The following PRKG1 variants were observed in gnomAD, a reference collection of about 807,000 sequenced individuals.
The protein encoded by PRKG1 is protein kinase cGMP-dependent 1.
Under a neutral mutation model 88.1 loss-of-function variants are expected in PRKG1, and 35 were observed. That is an observed-to-expected ratio of 0.40 (90% CI 0.30 to 0.53). The LOEUF is 0.53. Among genes scored for constraint, PRKG1 ranks in the 20% least tolerant of loss-of-function variants. PRKG1 has a pLI of 0.59. For synonymous variants in PRKG1, 303 were observed against 292.5 expected (o/e 1.04, Z -0.37); for missense variants, 540 against 839.8 (o/e 0.64, Z 4.41).
intron 1 of PRKG1, among the ~76,000 whole-genome samples, chr10:51,030,099 A>T (rs528435929): frequency 6.6e-6 from 1 of 152,216 alleles, no homozygotes; most frequent in East Asian, 1.9e-4. Context: ...TACTTCTATG[A>T]TGCTTCCTTC....
intron 5 of PRKG1, among the ~76,000 whole-genome samples, chr10:51,952,280 G>A (rs1843203054): frequency 6.6e-6 from 1 of 152,146 alleles, no homozygotes; most frequent in Non-Finnish European, 1.5e-5. Context: ...AGGAGCAAAG[G>A]CCTGGACATT....
At chr10:51,143,902 A>G (rs949031699) in intron 1 of PRKG1, among the ~76,000 whole-genome samples, 3 of 151,772 alleles carry the variant, frequency 2.0e-5, no homozygotes, top group Non-Finnish European at 4.4e-5. Flanking sequence ...GGAGGCAAAT[A>G]TTTCTTCCAT....
intron 1 of PRKG1, among the ~76,000 whole-genome samples, chr10:51,105,855 G>A (rs1273506036): frequency 2.0e-4 from 30 of 151,908 alleles, no homozygotes. Context: ...GGATATTCAA[G>A]GTTTAGTGCC....
chr10:51,524,648 T>C (rs1841831240), intron 3 of PRKG1, among the ~76,000 whole-genome samples: 1 of 152,220 alleles, frequency 6.6e-6, no homozygotes, highest in Admixed American at 6.5e-5. Context: ...TGACCTCTGA[T>C]TTAAGCCCAC....
intron 8 of PRKG1, among the ~76,000 whole-genome samples, chr10:52,147,627 G>C (rs757297079): frequency 4.6e-5 from 7 of 152,128 alleles, no homozygotes; most frequent in Non-Finnish European, 8.8e-5. Context: ...GAAAGAGTAG[G>C]GTGGGAGAGA....
At chr10:51,942,767 A>C (rs1842938802) in intron 5 of PRKG1, among the ~76,000 whole-genome samples, 2 of 151,358 alleles carry the variant, frequency 1.3e-5, no homozygotes, top group African/African-American at 4.9e-5. Context: ...AGTTGTAGAT[A>C]TATGGCATTA....
At chr10:51,046,336 G>C (rs1314693692) in intron 1 of PRKG1, among the ~76,000 whole-genome samples, 3 of 152,138 alleles carry the variant, frequency 2.0e-5, no homozygotes, top group Non-Finnish European at 1.5e-5. Context: ...TCCTCCTGTG[G>C]TACTTCTCTT....
chr10:51,475,572 T>A (rs989531566), intron 3 of PRKG1, among the ~76,000 whole-genome samples: 2 of 152,080 alleles, frequency 1.3e-5, no homozygotes, highest in Non-Finnish European at 2.9e-5. Flanking sequence ...ATTGGCATCA[T>A]TGCAGCTTTA....
intron 5 of PRKG1, among the ~76,000 whole-genome samples, chr10:52,019,319 C>CTA (rs1845122936): frequency 6.6e-6 from 1 of 152,072 alleles, no homozygotes; most frequent in Admixed American, 6.5e-5. Context: ...AGGATCCTAC[C>CTA]CTCTTACAGA....
chr10:52,025,425 G>T (rs1332092110), intron 5 of PRKG1, among the ~76,000 whole-genome samples: 1 of 152,074 alleles, frequency 6.6e-6, no homozygotes, highest in African/African-American at 2.4e-5. Flanking sequence ...GAATGGTATT[G>T]CCTTGGTTTT....
In PRKG1 at chr10:52,297,940, T is replaced by C. The variant is rs1325838048; in HGVS notation, c.*4040T>C. On this transcript the variant is annotated 3_prime_UTR_variant, in exon 18 of 18. Coordinates refer to ENST00000373980, the MANE Select transcript of PRKG1 (RefSeq NM_006258.4). Reference sequence around the variant, plus strand: ...TAGAAAGCAAAACATTGAAAGTGTGTTGTTAGCCCTCCTCTCTGCCCCTGA... The same window carrying C: ...TAGAAAGCAAAACATTGAAAGTGTGCTGTTAGCCCTCCTCTCTGCCCCTGA... 1 of 152,140 alleles carries C rather than the reference T, an allele frequency of 6.6e-6. No homozygotes were observed. Among genetic ancestry groups the C allele is most frequent in the Non-Finnish European group, 1.5e-5 (1 of 68,014 alleles). 9.4% of individuals were successfully genotyped at this position (152,140 alleles called of 1,614,324 possible). A position where few individuals can be genotyped will look rare whatever the true frequency, so the allele number is the denominator to read the frequency against.
intron 4 of PRKG1, among the ~76,000 whole-genome samples, chr10:51,823,999 GA>G (rs1355248327): frequency 4.0e-5 from 6 of 150,366 alleles, no homozygotes; most frequent in African/African-American, 1.5e-4. Flanking sequence ...TCAGCCTAAC[GA>G]GTAGCTAGGA....
intron 2 of PRKG1, among the ~76,000 whole-genome samples, chr10:51,429,558 G>A (rs1482665311): frequency 6.6e-6 from 1 of 151,940 alleles, no homozygotes; most frequent in Admixed American, 6.6e-5. Flanking sequence ...TCTGTTCAAA[G>A]AACTAAAAGA....
intron 3 of PRKG1, among the ~76,000 whole-genome samples, chr10:51,617,159 A>G (rs1564574707): frequency 6.6e-6 from 1 of 152,086 alleles, no homozygotes; most frequent in Non-Finnish European, 1.5e-5. Flanking sequence ...GAAGTTCACA[A>G]TGGGAATATA....
chr10:52,062,482 C>T (rs2133269141), intron 6 of PRKG1, 55 bp from the exon 7 acceptor site: 1 of 1,133,784 alleles, frequency 8.8e-7, no homozygotes, highest in South Asian at 1.7e-5. Flanking sequence ...ATTAGTGTTC[C>T]TTTGTCCATT....
intron 2 of PRKG1, among the ~76,000 whole-genome samples, chr10:51,448,996 C>G (rs1053661407): frequency 2.0e-5 from 3 of 151,646 alleles, no homozygotes; most frequent in Admixed American, 2.0e-4. Context: ...AAATAAAGAC[C>G]AAAATGACAT....
At chr10:51,956,360 A>G (rs781505148) in intron 5 of PRKG1, among the ~76,000 whole-genome samples, 39 of 151,688 alleles carry the variant, frequency 2.6e-4, no homozygotes, top group Admixed American at 2.2e-3. Flanking sequence ...ATATATTAAT[A>G]AAGTATACAT....
chr10:51,391,155 G>T (rs992609876), intron 2 of PRKG1, among the ~76,000 whole-genome samples: 5 of 152,130 alleles, frequency 3.3e-5, no homozygotes, highest in Admixed American at 3.3e-4. Flanking sequence ...CTCTCTAAGG[G>T]TAGAGTCCGA....
intron 2 of PRKG1, among the ~76,000 whole-genome samples, chr10:51,325,085 G>C (rs1018932333): frequency 1.3e-5 from 2 of 152,154 alleles, no homozygotes; most frequent in African/African-American, 2.4e-5. Context: ...AGGGTGAGAT[G>C]ATATCTGTTT....
Sources: allele counts gnomAD v4.1 joint callset (sites outside exome capture counted in the v4.1 genomes callset), GRCh38; gene constraint gnomAD v4.1.1; transcripts MANE v1.5; gene names NCBI Gene and HGNC (gene_info 2026-07-23, HGNC 2026-07-21).